The following PAPSS1 variants were observed in gnomAD, a reference collection of about 807,000 sequenced individuals.
PAPSS1 encodes bifunctional 3'-phosphoadenosine 5'-phosphosulfate synthase 1.
A neutral mutation model predicts 72.0 loss-of-function variants in PAPSS1; 50 were observed. That is an observed-to-expected ratio of 0.69 (90% CI 0.55 to 0.88). The LOEUF (loss-of-function observed/expected upper bound fraction) is 0.88. Ranked by LOEUF, PAPSS1 falls within the 40% of genes least tolerant of loss-of-function variation. PAPSS1 has a pLI of 0.00. For synonymous variants in PAPSS1, 261 were observed against 263.6 expected (o/e 0.99, Z 0.09); for missense variants, 657 against 782.2 (o/e 0.84, Z 1.91).
At chr4:107,676,469 G>A (rs988349006) in intron 5 of PAPSS1, among the ~76,000 whole-genome samples, 1 of 152,210 alleles carries the variant, frequency 6.6e-6, no homozygotes, top group African/African-American at 2.4e-5. Flanking sequence ...TAGGAATCCA[G>A]CTTACAAGGG....
rs10026426 is a variant in PAPSS1 at position 107,697,263 on chromosome 4, C to T, written c.176-3257G>A. ...TGACAACAACCAAGCAAGCCCTAAGCATAGCTGCCTATCTGAGCCCTTTTA... is the reference window on the plus strand; with the variant it reads ...TGACAACAACCAAGCAAGCCCTAAGTATAGCTGCCTATCTGAGCCCTTTTA... On this transcript the variant is annotated intron_variant, in intron 2 of 11. Transcript: ENST00000265174. Among the ~76,000 whole-genome samples the T allele has an allele frequency of 6.1e-3, 922 of 152,326 alleles. 7 individuals carry two copies. Among genetic ancestry groups the T allele is most frequent in the African/African-American group, 0.021 (863 of 41,570 alleles).
rs568925922 is a variant in PAPSS1 at position 107,672,866 on chromosome 4, C to A, written c.669+9149G>T. Among the ~76,000 whole-genome samples, 3 of 152,284 alleles carry A rather than the reference C, an allele frequency of 2.0e-5. No homozygotes were observed. In the East Asian group the frequency reaches 5.8e-4, roughly 29 times the overall value. On this transcript the variant is annotated intron_variant, in intron 5 of 11. Coordinates refer to ENST00000265174, the MANE Select transcript of PAPSS1 (RefSeq NM_005443.5). Reference sequence around the variant, plus strand: ...CAGGTACTCCTCTGAGAAAAAACTTCCAGAGGAACGATCAGGCAGCAACAT... The same window carrying A: ...CAGGTACTCCTCTGAGAAAAAACTTACAGAGGAACGATCAGGCAGCAACAT...
intron 1 of PAPSS1, among the ~76,000 whole-genome samples, chr4:107,702,564 C>G (rs961913506): frequency 1.3e-5 from 2 of 152,166 alleles, no homozygotes; most frequent in Non-Finnish European, 2.9e-5. Context: ...TCTACTTCTA[C>G]AGGTGCAACT....
At chr4:107,677,062 C>A (rs9684710) in intron 5 of PAPSS1, among the ~76,000 whole-genome samples, 1 of 151,890 alleles carries the variant, frequency 6.6e-6, no homozygotes, top group Non-Finnish European at 1.5e-5. Flanking sequence ...TTAAATGTTA[C>A]ACCTAAAACC....
chr4:107,631,573 T>A, intron 11 of PAPSS1, 58 bp downstream of exon 11: 1 of 1,216,444 alleles, frequency 8.2e-7, no homozygotes, highest in Admixed American at 1.9e-5. Flanking sequence ...GCTAAATCCC[T>A]GGGAGCAGCT....
At chr4:107,618,955 G>A (rs1338311693) in intron 11 of PAPSS1, among the ~76,000 whole-genome samples, 1 of 152,252 alleles carries the variant, frequency 6.6e-6, no homozygotes, top group East Asian at 1.9e-4. Flanking sequence ...CTGACTGAAT[G>A]TGTTTCAGTT....
intron 10 of PAPSS1, among the ~76,000 whole-genome samples, chr4:107,639,441 T>A (rs1726478972): frequency 6.6e-6 from 1 of 152,130 alleles, no homozygotes; most frequent in Non-Finnish European, 1.5e-5. Flanking sequence ...CTGAGGAAGT[T>A]TCTACCAGCC....
At chr4:107,629,832 T>A (rs1333917663) in intron 11 of PAPSS1, among the ~76,000 whole-genome samples, 9 of 152,194 alleles carry the variant, frequency 5.9e-5, no homozygotes, top group African/African-American at 2.2e-4. Flanking sequence ...TTTGAGAAAG[T>A]TAGCCAAATC....
At chr4:107,661,147 C>T (rs1050273853) in intron 5 of PAPSS1, among the ~76,000 whole-genome samples, 2 of 152,086 alleles carry the variant, frequency 1.3e-5, no homozygotes, top group Non-Finnish European at 2.9e-5. Context: ...CAAATCAAAA[C>T]AAGATAGCAC....
chr4:107,642,985 C>T (rs1404211025), intron 10 of PAPSS1, among the ~76,000 whole-genome samples: 6 of 152,200 alleles, frequency 3.9e-5, no homozygotes, highest in South Asian at 2.1e-4. Context: ...AAAACCTTCA[C>T]GCCAGCGCTA....
chr4:107,671,311 A>C (rs1353209057), intron 5 of PAPSS1, among the ~76,000 whole-genome samples: 1 of 151,988 alleles, frequency 6.6e-6, no homozygotes, highest in Non-Finnish European at 1.5e-5. Flanking sequence ...TGAAGAAAAA[A>C]AAAGAGCCTA....
chr4:107,633,549 G>C (rs1452872848), intron 10 of PAPSS1, among the ~76,000 whole-genome samples: 2 of 152,022 alleles, frequency 1.3e-5, no homozygotes, highest in Admixed American at 1.3e-4. Context: ...GTAAAGATAA[G>C]GGAAAAAATA....
At chr4:107,625,458 A>C (rs1578381668) in intron 11 of PAPSS1, among the ~76,000 whole-genome samples, 1 of 152,170 alleles carries the variant, frequency 6.6e-6, no homozygotes, top group Non-Finnish European at 1.5e-5. Context: ...ACAAAAAAAG[A>C]CCAAAAGTGG....
intron 11 of PAPSS1, among the ~76,000 whole-genome samples, chr4:107,627,064 T>C (rs563032661): frequency 1.3e-4 from 20 of 152,338 alleles, no homozygotes; most frequent in African/African-American, 4.1e-4. Context: ...TACACAGTTA[T>C]TTAACCAAAC....
intron 2 of PAPSS1, 99 bp downstream of exon 2, chr4:107,701,072 C>T: frequency 1.7e-6 from 1 of 599,566 alleles, no homozygotes; most frequent in Non-Finnish European, 2.9e-6. Context: ...GCTCCAAATA[C>T]AAGAACAGAG....
intron 5 of PAPSS1, among the ~76,000 whole-genome samples, chr4:107,666,418 C>T (rs1283380430): frequency 6.6e-6 from 1 of 152,074 alleles, no homozygotes; most frequent in African/African-American, 2.4e-5. Flanking sequence ...TTCTTAAATA[C>T]ATACCAAACA....
chr4:107,695,246 T>C lies in PAPSS1; in HGVS notation c.176-1240A>G, dbSNP rs562244635. Among the ~76,000 whole-genome samples the C allele has an allele frequency of 1.2e-4, 18 of 152,288 alleles. No homozygotes were observed. The South Asian group carries it at 3.5e-3, about 30-fold the overall frequency. On this transcript the variant is annotated intron_variant, in intron 2 of 11. Transcript: ENST00000265174. ...TGTATTCCCAGGTATTTTACTCTCT[T>C]TGTAGCAATTGTGAATGGGAGTTTA... is the stretch of plus-strand genomic sequence containing the variant.
At chr4:107,624,449 C>A (rs1276697084) in intron 11 of PAPSS1, among the ~76,000 whole-genome samples, 5 of 152,148 alleles carry the variant, frequency 3.3e-5, no homozygotes, top group Non-Finnish European at 5.9e-5. Context: ...ATAGTACCTA[C>A]AACCTAGCAA....
rs554606016 is a variant in PAPSS1 at position 107,633,894 on chromosome 4, G to C, written c.1507-2034C>G. Among the ~76,000 whole-genome samples the C allele has an allele frequency of 3.3e-5, 5 of 149,470 alleles. No homozygotes were observed. In the South Asian group the frequency reaches 8.6e-4, roughly 26 times the overall value. On this transcript the variant is annotated intron_variant, in intron 10 of 11. Coordinates refer to ENST00000265174, the MANE Select transcript of PAPSS1 (RefSeq NM_005443.5). ...AGATAGCACCACTGCAGTCCGGCCT[G>C]GGCGAAAGAACGAGACTCCGTCTCA...
Sources: allele counts gnomAD v4.1 joint callset (sites outside exome capture counted in the v4.1 genomes callset), GRCh38; gene constraint gnomAD v4.1.1; transcripts MANE v1.5; gene names NCBI Gene and HGNC (gene_info 2026-07-23, HGNC 2026-07-21).